Variants in HSD17B2 observed in about 807,000 individuals in gnomAD.
HSD17B2 encodes the protein 17-beta-hydroxysteroid dehydrogenase type 2.
In HSD17B2, 32 loss-of-function variants were observed where a neutral mutation model predicts 26.9. The ratio of observed to expected loss-of-function variants is 1.19; its 90% CI spans 0.90 to 1.60. The LOEUF (loss-of-function observed/expected upper bound fraction) is 1.60, where lower values mean the gene tolerates loss of function less well. Ranked by LOEUF, HSD17B2 falls within the 40% of genes most tolerant of loss-of-function variation. The pLI is 0.00. For synonymous variants in HSD17B2, 246 were observed against 186.7 expected, an observed-to-expected ratio of 1.32 and a Z score of -2.59; for missense variants, 613 against 468.6, an observed-to-expected ratio of 1.31 and a Z score of -2.85.
intron 1 of HSD17B2, among the ~76,000 whole-genome samples, chr16:82,053,626 T>A (rs182356960): frequency 3.3e-5 from 5 of 152,296 alleles, no homozygotes; most frequent in Admixed American, 2.0e-4. Flanking sequence ...CCATTGTACC[T>A]GTAGCACCTA....
intron 1 of HSD17B2, among the ~76,000 whole-genome samples, chr16:82,057,366 T>C (rs562272626): frequency 6.6e-6 from 1 of 152,212 alleles, no homozygotes; most frequent in East Asian, 1.9e-4. Context: ...GCCCGGCTAC[T>C]TTTTGTATTT....
intron 1 of HSD17B2, among the ~76,000 whole-genome samples, chr16:82,037,197 A>C (rs1913647397): frequency 6.6e-6 from 1 of 152,232 alleles, no homozygotes; most frequent in African/African-American, 2.4e-5. Context: ...GCAATGAAGA[A>C]AGCTTAGAAT....
At chr16:82,071,478 C>G in intron 3 of HSD17B2, 1 of 370,144 alleles carries the variant, frequency 2.7e-6, no homozygotes, top group Non-Finnish European at 5.2e-6. Context: ...TTCAACACTT[C>G]GTCAATTTAA....
At chr16:82,080,315 C>A (rs1320815018) in intron 3 of HSD17B2, among the ~76,000 whole-genome samples, 1 of 152,098 alleles carries the variant, frequency 6.6e-6, no homozygotes, top group Non-Finnish European at 1.5e-5. Flanking sequence ...AGTGAAGGAT[C>A]TTGAGATGAG....
chr16:82,087,228 T>C (rs1053953824), intron 3 of HSD17B2, among the ~76,000 whole-genome samples: 5 of 152,162 alleles, frequency 3.3e-5, no homozygotes, highest in African/African-American at 2.4e-5. Flanking sequence ...ATTGTGCCAA[T>C]AGTTAACAAA....
At position 82,035,507 on chromosome 16, in the gene HSD17B2, A is replaced by C; in HGVS notation, c.83A>C (p.Lys28Thr). ...TGTGGGACAGTATTTTGCAAATACA[A>C]GAAGAGCTCAGGGCAGCTGTGGAGC... ...VLCGTVFCKY[K>T]KSSGQLWSWM... The change falls in exon 1 of 5, where the codon AAG (lysine) becomes ACG (threonine). Residue 28 changes from lysine to threonine, a missense_variant. By Grantham distance (78) the Lys-to-Thr change is moderately conservative. Coordinates refer to ENST00000199936, the MANE Select transcript of HSD17B2 (RefSeq NM_002153.3). 6.2e-7 allele frequency: 1 copy of C among 1,614,162 alleles called. No individual in the cohort carries two copies. The highest frequency in any genetic ancestry group is 2.2e-5 in the East Asian group (1 of 44,872).
intron 1 of HSD17B2, among the ~76,000 whole-genome samples, chr16:82,036,488 G>A (rs1188153104): frequency 6.6e-6 from 1 of 151,780 alleles, no homozygotes; most frequent in African/African-American, 2.4e-5. Context: ...AACCCAGAAA[G>A]CCCTACCAAA....
chr16:82,098,015 CT>C (rs1344745532), intron 4 of HSD17B2, 59 bp from the exon 5 acceptor site: 2 of 1,539,272 alleles, frequency 1.3e-6, no homozygotes, highest in Admixed American at 4.1e-5. Flanking sequence ...AGACAAGCGC[CT>C]GCTCCCTGAC....
At position 82,068,435 on chromosome 16, in the gene HSD17B2, C is replaced by T. The variant is rs1448197667; in HGVS notation, c.478+53C>T. 1.5e-5 allele frequency: 22 copies of T among 1,452,540 alleles called. No individual in the cohort carries two copies. In the Middle Eastern group the frequency reaches 7.2e-4, roughly 48 times the overall value. The allele number at this position is 1,452,540 out of a possible 1,614,324, so 90.0% of individuals were successfully genotyped here. ...TTACCCTCCTCCTGAATGCCCAGCT[C>T]TTGTTCCGGCTTAGGCTGAACATGC... On this transcript the variant is annotated intron_variant, in intron 2 of 4. Transcript: ENST00000199936.
chr16:82,081,001 G>T (rs1904364033), intron 3 of HSD17B2, among the ~76,000 whole-genome samples: 1 of 151,648 alleles, frequency 6.6e-6, no homozygotes, highest in South Asian at 2.1e-4. Context: ...CTCACCTCTG[G>T]TTACTTCCCC....
chr16:82,043,402 T>TAAACTTTATTTCA (rs370270272), intron 1 of HSD17B2, among the ~76,000 whole-genome samples: 4 of 144,862 alleles, frequency 2.8e-5, no homozygotes, highest in Admixed American at 1.3e-4. Context: ...ATCATATAGA[T>TAAACTTTATTTCA]GGCCGGGCGC....
chr16:82,083,467 G>A (rs895337473), intron 3 of HSD17B2, among the ~76,000 whole-genome samples: 1 of 152,180 alleles, frequency 6.6e-6, no homozygotes, highest in Non-Finnish European at 1.5e-5. Context: ...CTGAGTTGCA[G>A]CCTCCTCATT....
chr16:82,050,503 G>A (rs1220498581), intron 1 of HSD17B2, among the ~76,000 whole-genome samples: 1 of 151,976 alleles, frequency 6.6e-6, no homozygotes, highest in Admixed American at 6.6e-5. Flanking sequence ...GTCTCTTTAA[G>A]TTGTTCTCTG....
intron 1 of HSD17B2, among the ~76,000 whole-genome samples, chr16:82,061,024 A>T (rs553412120): frequency 6.6e-6 from 1 of 152,208 alleles, no homozygotes; most frequent in East Asian, 1.9e-4. Context: ...ACTTTGGAAG[A>T]CTGAGGCAGG....
chr16:82,072,191 A>G (rs1914713152), intron 3 of HSD17B2, among the ~76,000 whole-genome samples: 1 of 152,136 alleles, frequency 6.6e-6, no homozygotes, highest in Admixed American at 6.5e-5. Context: ...GGCCTGAGGC[A>G]TAAACAAAGA....
intron 1 of HSD17B2, among the ~76,000 whole-genome samples, chr16:82,057,438 C>G (rs1158197812): frequency 1.3e-5 from 2 of 152,184 alleles, no homozygotes; most frequent in Non-Finnish European, 2.9e-5. Flanking sequence ...ACCTCGTGAT[C>G]CACCCGCTTC....
chr16:82,063,272 A>T (rs1266319826), intron 1 of HSD17B2: 1 of 152,170 alleles, frequency 6.6e-6, no homozygotes, highest in Non-Finnish European at 1.5e-5. Flanking sequence ...TAAAATAAAG[A>T]CACAGTTTTA....
chr16:82,035,785 C>A, intron 1 of HSD17B2, 96 bp downstream of exon 1: 2 of 1,311,390 alleles, frequency 1.5e-6, no homozygotes, highest in Non-Finnish European at 2.1e-6. Flanking sequence ...AAATAAAATA[C>A]TTGGCATGGA....
At chr16:82,050,702 T>G (rs1914081568) in intron 1 of HSD17B2, among the ~76,000 whole-genome samples, 1 of 152,212 alleles carries the variant, frequency 6.6e-6, no homozygotes, top group South Asian at 2.1e-4. Flanking sequence ...TTACTGTTCT[T>G]TTCACCGGGA....
Sources: gnomAD v4.1 joint callset for allele counts (sites outside exome capture counted in the v4.1 genomes callset) on GRCh38, gnomAD v4.1.1 for gene constraint, MANE v1.5 for transcripts, NCBI Gene and HGNC (gene_info 2026-07-23, HGNC 2026-07-21) for gene names.